CCDC102B: variants seen among roughly 807,000 people sequenced by gnomAD.
CCDC102B encodes coiled-coil domain-containing protein 102B.
CCDC102B carries 75 observed loss-of-function variants against 57.4 expected under a neutral mutation model. That is an observed-to-expected ratio of 1.31 (90% CI 1.08 to 1.58). CCDC102B has a LOEUF of 1.58. Ranked by LOEUF, CCDC102B falls within the 40% of genes most tolerant of loss-of-function variation. The pLI, the probability that CCDC102B is intolerant of heterozygous loss-of-function variation, is 0.00. For missense variants in CCDC102B, 636 were observed against 582.6 expected (o/e 1.09, Z -0.94); for synonymous variants, 206 against 201.9 (o/e 1.02, Z -0.17).
intron 7 of CCDC102B, among the ~76,000 whole-genome samples, chr18:69,041,351 G>A (rs536717331): frequency 2.6e-5 from 4 of 152,064 alleles, no homozygotes; most frequent in East Asian, 1.9e-4. Context: ...TAGTTACCCC[G>A]ATAGTGTATC....
chr18:68,807,015 T>A (rs1383259653), intron 1 of CCDC102B, among the ~76,000 whole-genome samples: 1 of 152,108 alleles, frequency 6.6e-6, no homozygotes, highest in Non-Finnish European at 1.5e-5. Flanking sequence ...TAGAATACAT[T>A]TCAGGCATTG....
chr18:68,812,393 A>G (rs1184943998), intron 1 of CCDC102B, among the ~76,000 whole-genome samples: 2 of 152,150 alleles, frequency 1.3e-5, no homozygotes. Flanking sequence ...TAATTCCTGG[A>G]CCATGGTAAT....
chr18:68,835,830 G>A (rs2037342777), intron 1 of CCDC102B, among the ~76,000 whole-genome samples: 1 of 152,174 alleles, frequency 6.6e-6, no homozygotes, highest in African/African-American at 2.4e-5. Context: ...AGGAAAGAGA[G>A]TTCCTCATTG....
At chr18:68,964,068 T>C (rs1395076319) in intron 6 of CCDC102B, among the ~76,000 whole-genome samples, 1 of 151,838 alleles carries the variant, frequency 6.6e-6, no homozygotes, top group African/African-American at 2.4e-5. Context: ...GTCTGGAAAA[T>C]TTTCATCTCT....
chr18:68,871,051 G>T lies in CCDC102B; in HGVS notation c.937-3618G>T, dbSNP rs191926223. Among the ~76,000 whole-genome samples the T allele has an allele frequency of 2.8e-3, 420 of 152,176 alleles. 8 individuals are homozygous for T. The highest frequency in any genetic ancestry group is 4.9e-4 in the Non-Finnish European group (33 of 68,008). ...TATATATAGTACTGATAATTTTCCA[G>T]AAGTGAATTATAGCAGGTATTTCTG... On this transcript the variant is annotated intron_variant, in intron 4 of 7. Coordinates refer to ENST00000360242, the MANE Select transcript of CCDC102B (RefSeq NM_024781.3).
At chr18:68,837,906 A>G (rs563879238) in intron 2 of CCDC102B, among the ~76,000 whole-genome samples, 1 of 152,214 alleles carries the variant, frequency 6.6e-6, no homozygotes, top group African/African-American at 2.4e-5. Context: ...GATGATTGCA[A>G]TGCTCATTCT....
intron 6 of CCDC102B, among the ~76,000 whole-genome samples, chr18:68,969,526 T>A (rs2050248667): frequency 6.6e-6 from 1 of 151,330 alleles, no homozygotes; most frequent in Non-Finnish European, 1.5e-5. Flanking sequence ...TTCTGTGAGA[T>A]CAATCCCTGC....
At chr18:68,866,879 C>A in intron 4 of CCDC102B, 1 of 655,606 alleles carries the variant, frequency 1.5e-6, no homozygotes, top group Non-Finnish European at 2.9e-6. Context: ...ATTGGCACTC[C>A]TCTTCCCTCT....
intron 6 of CCDC102B, among the ~76,000 whole-genome samples, chr18:68,921,853 C>A (rs2041295741): frequency 6.6e-6 from 1 of 152,140 alleles, no homozygotes; most frequent in Admixed American, 6.6e-5. Context: ...CTTCTGACCT[C>A]CAGAATTCCA....
At chr18:68,867,884 A>C (rs2144907142) in intron 4 of CCDC102B, among the ~76,000 whole-genome samples, 1 of 152,194 alleles carries the variant, frequency 6.6e-6, no homozygotes, top group Admixed American at 6.5e-5. Flanking sequence ...CAGTGAGCCG[A>C]GGTCATGCCA....
chr18:68,907,318 C>G (rs1427401284), intron 6 of CCDC102B, among the ~76,000 whole-genome samples: 1 of 151,516 alleles, frequency 6.6e-6, no homozygotes, highest in Non-Finnish European at 1.5e-5. Flanking sequence ...TGAGAATCAG[C>G]TTTTCCATTT....
chr18:68,826,552 C>T (rs28656149), intron 1 of CCDC102B, among the ~76,000 whole-genome samples: 41,660 of 151,872 alleles, frequency 0.27, 6,237 homozygotes, highest in East Asian at 0.49. Flanking sequence ...GGTCACAGGG[C>T]CAGCCCCCAC....
At chr18:68,935,936 C>T (rs990101133) in intron 6 of CCDC102B, among the ~76,000 whole-genome samples, 4 of 151,930 alleles carry the variant, frequency 2.6e-5, no homozygotes. Flanking sequence ...CTGCTTAGTG[C>T]TCCACATCTC....
At chr18:68,822,571 T>G (rs1159349608) in intron 1 of CCDC102B, among the ~76,000 whole-genome samples, 1 of 152,144 alleles carries the variant, frequency 6.6e-6, no homozygotes, top group African/African-American at 2.4e-5. Flanking sequence ...GCAGGTTTGT[T>G]ACATGGGTAT....
At chr18:68,739,640 G>A (rs1423968410) in intron 2 of CCDC102B, among the ~76,000 whole-genome samples, 1 of 152,166 alleles carries the variant, frequency 6.6e-6, no homozygotes, top group Non-Finnish European at 1.5e-5. Context: ...GACGTCACTT[G>A]GTGACTTCAT....
In CCDC102B at chr18:68,869,170, T is replaced by C. The variant is rs144422674; in HGVS notation, c.937-5499T>C. ...GATTTGGAAGTGTTTGGTAGGATTT[T>C]GGATTTATGAATGTAGAAAGGAAAG... On this transcript the variant is annotated intron_variant, in intron 4 of 7. Transcript: ENST00000360242. Among the ~76,000 whole-genome samples, 571 of 152,236 alleles carry C rather than the reference T, an allele frequency of 3.8e-3. 4 individuals are homozygous for C. Among genetic ancestry groups the C allele is most frequent in the African/African-American group, 0.012 (519 of 41,526 alleles).
At chr18:68,820,818 G>A (rs1407462628) in intron 1 of CCDC102B, among the ~76,000 whole-genome samples, 1 of 152,152 alleles carries the variant, frequency 6.6e-6, no homozygotes, top group Non-Finnish European at 1.5e-5. Flanking sequence ...TGAGCTCACA[G>A]CATAGCTGTT....
chr18:68,833,611 TA>T (rs1355087655), intron 1 of CCDC102B, among the ~76,000 whole-genome samples: 1 of 152,144 alleles, frequency 6.6e-6, no homozygotes, highest in Non-Finnish European at 1.5e-5. Context: ...TGTCTCCTTT[TA>T]TACTAAGGAT....
chr18:68,735,889 C>T (rs1186296133), intron 2 of CCDC102B, among the ~76,000 whole-genome samples: 3 of 152,128 alleles, frequency 2.0e-5, no homozygotes, highest in African/African-American at 7.2e-5. Context: ...TCTCTTCTAA[C>T]GGGGTTAATT....
Sources: allele counts gnomAD v4.1 joint callset (sites outside exome capture counted in the v4.1 genomes callset), GRCh38; gene constraint gnomAD v4.1.1; transcripts MANE v1.5; gene names NCBI Gene and HGNC (gene_info 2026-07-23, HGNC 2026-07-21).